DMD: variants seen among roughly 807,000 people sequenced by gnomAD.
The protein encoded by DMD is mutant dystrophin.
A neutral mutation model predicts 330.1 loss-of-function variants in DMD; 63 were observed. The ratio of observed to expected loss-of-function variants is 0.19; its 90% confidence interval spans 0.16 to 0.24. DMD has a LOEUF of 0.24. Ranked by LOEUF, DMD falls within the 10% of genes least tolerant of loss-of-function variation. The pLI is 1.00. For missense variants in DMD, 3,344 were observed against 2,684.1 expected (o/e 1.25, Z -5.43); for synonymous variants, 1,223 against 959.8 (o/e 1.27, Z -5.07).
At chrX:31,628,942 A>ATATATATATATATATATATATATATC (rs1556765554) in intron 54 of DMD, among the ~76,000 whole-genome samples, 1 of 104,117 alleles carries the variant, frequency 9.6e-6, no homozygotes, top group Non-Finnish European at 2.0e-5. Context: ...ATATATATAT[A>ATATATATATATATATATATATATATC]AAATGCATGT....
intron 43 of DMD, among the ~76,000 whole-genome samples, chrX:32,233,245 A>C (rs1352532892): frequency 9.0e-6 from 1 of 111,695 alleles, no homozygotes; most frequent in Non-Finnish European, 1.9e-5. Flanking sequence ...CCATTTCAAA[A>C]TACACTGGTT....
intron 60 of DMD, among the ~76,000 whole-genome samples, chrX:31,361,914 C>A (rs766113315): frequency 9.0e-6 from 1 of 111,004 alleles, no homozygotes; most frequent in East Asian, 2.9e-4. Flanking sequence ...GGATTACAGG[C>A]ATGCGCCAAC....
rs1288641832 is a variant in DMD at position 32,895,479 on chromosome X, G to A, written c.94-45659C>T. On this transcript the variant is annotated intron_variant, in intron 2 of 78. Coordinates refer to ENST00000357033, the MANE Select transcript of DMD (RefSeq NM_004006.3). ...TTCCTTCGTGTAGGAGTGGGTTTGC[G>A]GGTTACTGTGCTAATCCACACCTGG... is the stretch of plus-strand genomic sequence containing the variant. 4.5e-5 allele frequency among the ~76,000 whole-genome samples: 5 copies of A among 111,412 alleles called. No individual in the cohort carries two copies. In the East Asian group the frequency reaches 1.4e-3, roughly 31 times the overall value.
At chrX:31,918,279 T>C (rs2094637605) in intron 47 of DMD, among the ~76,000 whole-genome samples, 1 of 112,059 alleles carries the variant, frequency 8.9e-6, no homozygotes, top group South Asian at 3.7e-4. Flanking sequence ...GCATCACTGT[T>C]GGACAAATGA....
chrX:32,287,536 G>A lies in DMD; in HGVS notation c.6283C>T (p.Arg2095Ter), dbSNP rs398124008. The A allele has an allele frequency of 8.3e-7, 1 of 1,207,425 alleles. No homozygotes were observed. The highest frequency in any genetic ancestry group is 1.8e-5 in the African/African-American group (1 of 56,824). ...WEKVNKMYKDRQGRFDRSVEK... is the reference protein window; with the variant it reads ...WEKVNKMYKD ...AATATATGTGTTACCTACCCTTGTC[G>A]GTCCTTGTACATTTTGTTAACTTTT... The change falls in exon 43 of 79, where the codon CGA (arginine) becomes TGA (stop). Residue 2095 changes from arginine (R) to a stop codon, truncating the protein, a stop_gained. Coordinates refer to ENST00000357033, the MANE Select transcript of DMD (RefSeq NM_004006.3). LOFTEE classifies it high-confidence loss of function.
intron 44 of DMD, among the ~76,000 whole-genome samples, chrX:32,056,405 A>G (rs867166031): frequency 9.2e-6 from 1 of 108,699 alleles, no homozygotes; most frequent in Non-Finnish European, 1.9e-5. Flanking sequence ...AAAAAAAAAA[A>G]AAAAGGAAAA....
chrX:32,715,178 C>A (rs937644174), intron 7 of DMD, among the ~76,000 whole-genome samples: 1 of 111,127 alleles, frequency 9.0e-6, no homozygotes, highest in African/African-American at 3.3e-5. Flanking sequence ...ATTACTTGGC[C>A]TTTAAAAAGG....
intron 23 of DMD, among the ~76,000 whole-genome samples, chrX:32,467,681 G>T (rs760282294): frequency 6.7e-5 from 7 of 105,033 alleles, no homozygotes; most frequent in African/African-American, 1.8e-4. Flanking sequence ...ATGTATGTGT[G>T]TGTATATATA....
At chrX:32,179,493 G>C (rs1351194714) in intron 44 of DMD, among the ~76,000 whole-genome samples, 1 of 112,131 alleles carries the variant, frequency 8.9e-6, no homozygotes, top group African/African-American at 3.2e-5. Context: ...GGCCATTTTG[G>C]TGTCTGGATC....
intron 17 of DMD, among the ~76,000 whole-genome samples, chrX:32,536,094 A>T (rs2047930900): frequency 9.1e-6 from 1 of 109,694 alleles, no homozygotes; most frequent in Non-Finnish European, 1.9e-5. Flanking sequence ...GTGAAACCCC[A>T]TCTCTACTAA....
chrX:32,684,512 T>A, intron 9 of DMD, among the ~76,000 whole-genome samples: 1 of 111,549 alleles, frequency 9.0e-6, no homozygotes, highest in Non-Finnish European at 1.9e-5. Flanking sequence ...TTATTACTCC[T>A]AAATTTAAAT....
intron 44 of DMD, among the ~76,000 whole-genome samples, chrX:32,067,958 T>C (rs2147757806): frequency 8.9e-6 from 1 of 112,088 alleles, no homozygotes; most frequent in African/African-American, 3.2e-5. Flanking sequence ...GCTGAACTAA[T>C]TAACATTCCC....
chrX:32,110,876 C>A (rs772292668), intron 44 of DMD, among the ~76,000 whole-genome samples: 6 of 111,733 alleles, frequency 5.4e-5, no homozygotes, highest in Non-Finnish European at 1.1e-4. Flanking sequence ...GCAGATGGTA[C>A]TGTGTCAGAT....
In DMD at chrX:31,119,960, AAC is replaced by A. The variant is rs1329736921; in HGVS notation, c.*1957_*1958del. The stretch of plus-strand genomic sequence containing the variant: ...AACTCAGGTGTGCACAATTATCAGG[AAC>A]ACCCCAAAACCAAAGTGAGGTAGAA... On this transcript the variant is annotated 3_prime_UTR_variant, in exon 79 of 79. Transcript: ENST00000357033. 1 of 111,233 alleles carries A rather than the reference AAC, an allele frequency of 9.0e-6. No homozygotes were observed. Among genetic ancestry groups the A allele is most frequent in the African/African-American group, 3.3e-5 (1 of 30,216 alleles). The allele number at this position is 111,233 out of a possible 1,213,427, so 9.2% of individuals were successfully genotyped here. A position where few individuals can be genotyped will look rare whatever the true frequency, so the allele number is the denominator to read the frequency against.
chrX:31,305,264 G>A (rs991742507), intron 62 of DMD, among the ~76,000 whole-genome samples: 6 of 111,104 alleles, frequency 5.4e-5, no homozygotes, highest in Admixed American at 9.6e-5. Context: ...TATTTTTTGC[G>A]GTGAGAACAT....
At chrX:32,353,699 CTTTTCA>C (rs894666668) in intron 37 of DMD, among the ~76,000 whole-genome samples, 4 of 110,528 alleles carry the variant, frequency 3.6e-5, no homozygotes, top group African/African-American at 1.3e-4. Flanking sequence ...TTTTACTTAC[CTTTTCA>C]TTTTAAGAGC....
intron 41 of DMD, among the ~76,000 whole-genome samples, chrX:32,335,479 T>G (rs191956406): frequency 2.9e-3 from 278 of 96,612 alleles, no homozygotes; most frequent in African/African-American, 9.5e-3. Context: ...AACATGTATT[T>G]ATAACATTTA....
chrX:32,225,844 G>C (rs1349035544), intron 43 of DMD, among the ~76,000 whole-genome samples: 2 of 110,514 alleles, frequency 1.8e-5, no homozygotes, highest in African/African-American at 6.6e-5. Flanking sequence ...GCTTCCTGTA[G>C]AGCCTGCAGA....
chrX:32,994,113 T>C (rs1257707929), intron 2 of DMD, among the ~76,000 whole-genome samples: 1 of 110,196 alleles, frequency 9.1e-6, no homozygotes, highest in Non-Finnish European at 1.9e-5. Context: ...CAGTGTGACA[T>C]TCCTTTCCTT....
Sources: gnomAD v4.1 joint callset for allele counts (sites outside exome capture counted in the v4.1 genomes callset) on GRCh38, gnomAD v4.1.1 for gene constraint, MANE v1.5 for transcripts, NCBI Gene and HGNC (gene_info 2026-07-23, HGNC 2026-07-21) for gene names.